The following MARK2 variants were observed in gnomAD, a reference collection of about 807,000 sequenced individuals.
MARK2 encodes the protein microtubule affinity regulating kinase 2, also known as serine/threonine-protein kinase MARK2.
A neutral mutation model predicts 89.8 loss-of-function variants in MARK2; 16 were observed. The ratio of observed to expected loss-of-function variants is 0.18; its 90% CI spans 0.12 to 0.27. The LOEUF is 0.27. Ranked by LOEUF, MARK2 falls within the 10% of genes least tolerant of loss-of-function variation. MARK2 has a pLI of 1.00. For synonymous variants in MARK2, 382 were observed against 399.5 expected, an observed-to-expected ratio of 0.96 and a Z score of 0.52; for missense variants, 621 against 1,049.9, an observed-to-expected ratio of 0.59 and a Z score of 5.65.
intron 1 of MARK2, among the ~76,000 whole-genome samples, chr11:63,883,128 C>G (rs999337315): frequency 3.3e-5 from 5 of 152,188 alleles, no homozygotes; most frequent in African/African-American, 4.8e-5. Flanking sequence ...CCCTTGGCAC[C>G]ATGTGGTACT....
chr11:63,890,266 AT>A, intron 1 of MARK2: 1 of 1,345,458 alleles, frequency 7.4e-7, no homozygotes, highest in Non-Finnish European at 9.8e-7. Context: ...TGTGGGAAAC[AT>A]CTTACAGCAT....
At chr11:63,860,354 C>G (rs1231921896) in intron 1 of MARK2, among the ~76,000 whole-genome samples, 1 of 151,468 alleles carries the variant, frequency 6.6e-6, no homozygotes. Context: ...GAGATCGAGA[C>G]CATCCTGGCC....
intron 1 of MARK2, among the ~76,000 whole-genome samples, chr11:63,852,218 A>G (rs2016608281): frequency 6.6e-6 from 1 of 152,192 alleles, no homozygotes; most frequent in Non-Finnish European, 1.5e-5. Context: ...ACTTTAAGGT[A>G]AAAATATGGA....
chr11:63,901,473 CTTT>C (rs35231498), intron 11 of MARK2, among the ~76,000 whole-genome samples: 1 of 57,696 alleles, frequency 1.7e-5, no homozygotes, highest in Non-Finnish European at 2.8e-5. Flanking sequence ...GAGTCTGTTG[CTTT>C]TTTTTTTTTT....
chr11:63,901,095 G>T, intron 11 of MARK2, 26 bp downstream of exon 11: 2 of 1,481,950 alleles, frequency 1.3e-6, no homozygotes, highest in South Asian at 1.1e-5. Context: ...CCCATTCTCT[G>T]ACCTGGCCAG....
Position 63,900,621 on chromosome 11 carries a change from T to C in MARK2, c.831T>C (p.Cys277=). 6.2e-7 allele frequency: 1 copy of C among 1,614,054 alleles called. No individual in the cohort carries two copies. The highest frequency in any genetic ancestry group is 8.5e-7 in the Non-Finnish European group (1 of 1,179,990). ...TTCCATTCTACATGTCCACGGACTG[T>C]GAAAACCTGCTTAAGAAATTTCTCA... is the stretch of plus-strand genomic sequence containing the variant. ...YRIPFYMSTD[C]ENLLKKFLIL... The change falls in exon 9 of 19, where the codon TGT becomes TGC. Residue 277 remains cysteine, a synonymous_variant. Coordinates refer to ENST00000402010, the MANE Select transcript of MARK2 (RefSeq NM_001039469.3). The surrounding 1 kb of genome is among the most constrained non-coding windows in gnomAD (Gnocchi z 4.7).
At position 63,910,135 on chromosome 11, in the gene MARK2, G is replaced by A. The variant is rs1264546831; in HGVS notation, c.*898G>A. 1 of 152,384 alleles carries A rather than the reference G, an allele frequency of 6.6e-6. No homozygotes were observed. 9.4% of individuals were successfully genotyped at this position (152,384 alleles called of 1,614,324 possible). On this transcript the variant is annotated 3_prime_UTR_variant, in exon 19 of 19. Transcript: ENST00000402010. ...TTCTCGGTCCCCAGGGGGCCGCTTGGGCTGTTGGTCTCCAGAGCAGGGCCA... is the reference window on the plus strand; with the variant it reads ...TTCTCGGTCCCCAGGGGGCCGCTTGAGCTGTTGGTCTCCAGAGCAGGGCCA...
At chr11:63,852,373 T>A (rs975988905) in intron 1 of MARK2, among the ~76,000 whole-genome samples, 1 of 152,328 alleles carries the variant, frequency 6.6e-6, no homozygotes, top group East Asian at 1.9e-4. Context: ...TCCTGGAACC[T>A]TTGAGAAAAT....
At chr11:63,878,405 C>G (rs1355792988) in intron 1 of MARK2, among the ~76,000 whole-genome samples, 1 of 122,472 alleles carries the variant, frequency 8.2e-6, no homozygotes, top group East Asian at 2.8e-4. Context: ...CTCTCTCGCT[C>G]TGTCGCCTAG....
chr11:63,856,777 T>G (rs1320797370), intron 1 of MARK2, among the ~76,000 whole-genome samples: 16 of 11,072 alleles, frequency 1.4e-3, no homozygotes, highest in African/African-American at 0.012. Flanking sequence ...TGTTTTTTTT[T>G]TTTTTTTTTT....
intron 1 of MARK2, 113 bp from the exon 2 acceptor site, chr11:63,895,046 C>T (rs1414282718): frequency 7.7e-6 from 6 of 782,318 alleles, no homozygotes; most frequent in Non-Finnish European, 1.2e-5. Context: ...CTTCACATGC[C>T]TACCAGCCCC....
rs773647747 is a variant in MARK2 at position 63,904,961 on chromosome 11, G to A, written c.1852G>A (p.Ala618Thr). 3.7e-6 allele frequency: 6 copies of A among 1,614,220 alleles called. No homozygotes were observed. In the South Asian group the frequency reaches 4.4e-5, roughly 12 times the overall value. The change falls in exon 16 of 19, where the codon GCC (alanine) becomes ACC (threonine). Residue 618 changes from alanine to threonine, a missense_variant. Ala to Thr is a moderately conservative substitution (Grantham distance 58). Around this residue, in one of 5 missense-constraint regions of MARK2, gnomAD observed 397 missense variants for 567.8 expected, o/e 0.70. Transcript: ENST00000402010. This position sits in a 1 kb window ranked among gnomAD's most constrained non-coding sequence, Gnocchi z 6.3. ...GAATTTGCCCTACGGTGTGACCCCA[G>A]CCTCTCCCTCTGGCCACAGCCAGGG... ...QQNLPYGVTP[A>T]SPSGHSQGRR...
At chr11:63,841,908 G>C (rs569746401) in intron 1 of MARK2, among the ~76,000 whole-genome samples, 1 of 152,282 alleles carries the variant, frequency 6.6e-6, no homozygotes, top group East Asian at 1.9e-4. Context: ...GAATTCCACC[G>C]TAGTGTGCAT....
chr11:63,909,625 CA>C lies in MARK2; in HGVS notation c.*389del, dbSNP rs1941623205. On this transcript the variant is annotated 3_prime_UTR_variant, in exon 19 of 19. Coordinates refer to ENST00000402010, the MANE Select transcript of MARK2 (RefSeq NM_001039469.3). ...CAGCGGCCACCTTTCCTCCCTGCCCCATTGGGACAGTCGAGACTGGATCTGT... is the reference window on the plus strand; with the variant it reads ...CAGCGGCCACCTTTCCTCCCTGCCCCTTGGGACAGTCGAGACTGGATCTGT... 1 of 159,670 alleles carries C rather than the reference CA, an allele frequency of 6.3e-6. No homozygotes were observed. The highest frequency in any genetic ancestry group is 1.4e-5 in the Non-Finnish European group (1 of 72,828). The allele number at this position is 159,670 out of a possible 1,614,324, so 9.9% of individuals were successfully genotyped here. A position where few individuals can be genotyped will look rare whatever the true frequency, so the allele number is the denominator to read the frequency against.
chr11:63,851,108 A>G (rs1221911795), intron 1 of MARK2, among the ~76,000 whole-genome samples: 3 of 152,178 alleles, frequency 2.0e-5, no homozygotes, highest in African/African-American at 7.2e-5. Context: ...TCTGCGTTTC[A>G]GAGACCCAAA....
At chr11:63,901,473 C>CTTTTTTTTTTTTTTT (rs35231498) in intron 11 of MARK2, among the ~76,000 whole-genome samples, 1 of 57,696 alleles carries the variant, frequency 1.7e-5, no homozygotes, top group Non-Finnish European at 2.8e-5. Flanking sequence ...GAGTCTGTTG[C>CTTTTTTTTTTTTTTT]TTTTTTTTTT....
intron 1 of MARK2, among the ~76,000 whole-genome samples, chr11:63,887,466 G>T (rs1481763634): frequency 6.6e-6 from 1 of 152,328 alleles, no homozygotes; most frequent in African/African-American, 2.4e-5. Flanking sequence ...TGCTGAATCC[G>T]TTGGCCAGGG....
chr11:63,886,127 T>TC (rs1939383487), intron 1 of MARK2, among the ~76,000 whole-genome samples: 3 of 138,132 alleles, frequency 2.2e-5, no homozygotes, highest in Non-Finnish European at 3.1e-5. Flanking sequence ...AGACTCTATC[T>TC]CAAAAAAAAA....
At chr11:63,870,708 C>T (rs1230840535) in intron 1 of MARK2, among the ~76,000 whole-genome samples, 2 of 152,180 alleles carry the variant, frequency 1.3e-5, no homozygotes, top group Non-Finnish European at 2.9e-5. Context: ...TGCAGGAAGG[C>T]CCGAGCTGGG....
Sources: gnomAD v4.1 joint callset for allele counts (sites outside exome capture counted in the v4.1 genomes callset) on GRCh38, gnomAD v4.1.1 for gene constraint, gnomAD v4.1.1 regional missense constraint, Gnocchi (gnomAD v3.1) non-coding constraint, MANE v1.5 for transcripts, NCBI Gene and HGNC (gene_info 2026-07-23, HGNC 2026-07-21) for gene names.